CHSY3: variants seen among roughly 807,000 people sequenced by gnomAD.
CHSY3 encodes the protein chondroitin sulfate synthase 3.
A neutral mutation model predicts 67.2 loss-of-function variants in CHSY3; 35 were observed. The observed-to-expected ratio is 0.52, with a 90% CI of 0.40 to 0.69. The LOEUF is 0.69. CHSY3 is among the 30% of genes least tolerant of loss of function. The pLI, the probability that CHSY3 is intolerant of heterozygous loss-of-function variation, is 0.00. For synonymous variants in CHSY3, 474 were observed against 434.7 expected (o/e 1.09, Z -1.12); for missense variants, 1,069 against 1,138.5 (o/e 0.94, Z 0.88).
intron 2 of CHSY3, among the ~76,000 whole-genome samples, chr5:130,014,969 G>C (rs1171923871): frequency 2.0e-5 from 3 of 152,138 alleles, no homozygotes; most frequent in Non-Finnish European, 4.4e-5. Flanking sequence ...TCTGACAAAG[G>C]TCAAATATCT....
At chr5:130,142,303 A>G (rs779644772) in intron 2 of CHSY3, among the ~76,000 whole-genome samples, 20 of 152,186 alleles carry the variant, frequency 1.3e-4, no homozygotes, top group Non-Finnish European at 2.1e-4. Context: ...TGCAGTGATT[A>G]TGTATTTAAA....
intron 2 of CHSY3, among the ~76,000 whole-genome samples, chr5:129,951,323 C>T (rs1331995384): frequency 6.6e-6 from 1 of 152,042 alleles, no homozygotes; most frequent in East Asian, 1.9e-4. Context: ...AGCCCCATGA[C>T]GTTGGTCTTG....
At position 130,049,743 on chromosome 5, in the gene CHSY3, T is replaced by C. The variant is rs1765272325; in HGVS notation, c.1087-134486T>C. The stretch of plus-strand genomic sequence containing the variant: ...TTGTTCCACAGTCAAGAATCAATTA[T>C]AAAACGTTCCCTATATATCTCCCCA... On this transcript the variant is annotated intron_variant, in intron 2 of 2. Transcript: ENST00000305031. Among the ~76,000 whole-genome samples the C allele has an allele frequency of 2.0e-5, 3 of 149,566 alleles. No individual in the cohort carries two copies. The South Asian group carries it at 6.4e-4, about 32-fold the overall frequency.
At chr5:130,026,832 A>G (rs1461088957) in intron 2 of CHSY3, among the ~76,000 whole-genome samples, 3 of 152,148 alleles carry the variant, frequency 2.0e-5, no homozygotes, top group African/African-American at 7.2e-5. Flanking sequence ...CTGTTACCAC[A>G]TTTTTAAAAA....
chr5:130,138,375 T>C (rs1768740429), intron 2 of CHSY3, among the ~76,000 whole-genome samples: 1 of 152,162 alleles, frequency 6.6e-6, no homozygotes, highest in African/African-American at 2.4e-5. Context: ...GCAGGCTTTG[T>C]CCAGAATGCC....
chr5:130,056,473 AG>A (rs1765535233), intron 2 of CHSY3, among the ~76,000 whole-genome samples: 1 of 152,340 alleles, frequency 6.6e-6, no homozygotes, highest in Admixed American at 6.5e-5. Flanking sequence ...TTGTAAGAAA[AG>A]GAATTTCAAA....
In CHSY3 at chr5:130,154,548, G is replaced by A. The variant is rs192924083; in HGVS notation, c.1087-29681G>A. 1.2e-4 allele frequency among the ~76,000 whole-genome samples: 19 copies of A among 152,198 alleles called. No homozygotes were observed. In the East Asian group the frequency reaches 1.4e-3, roughly 11 times the overall value. On this transcript the variant is annotated intron_variant, in intron 2 of 2. Coordinates refer to ENST00000305031, the MANE Select transcript of CHSY3 (RefSeq NM_175856.5). ...GTTTTTGTGTGTCTATCCATCCAGC[G>A]TTGTGATTATTCATTTGCGATTATT...
chr5:130,174,795 A>G (rs747859132), intron 2 of CHSY3, among the ~76,000 whole-genome samples: 8 of 152,182 alleles, frequency 5.3e-5, no homozygotes, highest in Non-Finnish European at 8.8e-5. Context: ...TATTTTACAA[A>G]TAGTTAAACT....
chr5:129,991,772 AAGAGGC>A (rs1363278928), intron 2 of CHSY3, among the ~76,000 whole-genome samples: 1 of 152,140 alleles, frequency 6.6e-6, no homozygotes, highest in African/African-American at 2.4e-5. Flanking sequence ...GGGGAAGAGG[AAGAGGC>A]AGAGGATTCC....
At chr5:130,139,950 A>G (rs189821572) in intron 2 of CHSY3, 1 of 152,452 alleles carries the variant, frequency 6.6e-6, no homozygotes, top group Admixed American at 6.5e-5. Context: ...AAAAATTCCT[A>G]TAATGGCTCA....
chr5:130,151,022 G>A (rs981022028), intron 2 of CHSY3, among the ~76,000 whole-genome samples: 10 of 152,064 alleles, frequency 6.6e-5, no homozygotes, highest in African/African-American at 2.2e-4. Context: ...GACAACTAAT[G>A]CAGGAACATT....
At chr5:129,915,028 C>CA (rs1400220657) in intron 2 of CHSY3, among the ~76,000 whole-genome samples, 41 of 152,174 alleles carry the variant, frequency 2.7e-4, no homozygotes, top group South Asian at 8.3e-4. Flanking sequence ...TCTTAGTCTC[C>CA]AAAAAGCTAT....
intron 2 of CHSY3, among the ~76,000 whole-genome samples, chr5:129,959,406 T>A (rs1762268054): frequency 6.6e-6 from 1 of 152,086 alleles, no homozygotes. Flanking sequence ...GTATTTTGAT[T>A]TATGATTTGC....
At chr5:130,140,371 G>T in intron 2 of CHSY3, 1 of 625,736 alleles carries the variant, frequency 1.6e-6, no homozygotes, top group Non-Finnish European at 2.8e-6. Flanking sequence ...CTTCTATCCA[G>T]AGGAAGTGTT....
chr5:130,099,594 AG>A (rs1224017068), intron 2 of CHSY3, among the ~76,000 whole-genome samples: 5 of 152,210 alleles, frequency 3.3e-5, no homozygotes, highest in African/African-American at 1.2e-4. Context: ...CTTTTACATA[AG>A]AGTCATTACC....
intron 2 of CHSY3, among the ~76,000 whole-genome samples, chr5:130,105,965 T>C (rs74930979): frequency 0.055 from 8,292 of 151,686 alleles, 329 homozygotes; most frequent in Non-Finnish European, 0.078. Context: ...TGCTGTTCTT[T>C]TTTTAAAAAA....
chr5:129,997,380 T>G (rs138162995), intron 2 of CHSY3, among the ~76,000 whole-genome samples: 189 of 152,306 alleles, frequency 1.2e-3, no homozygotes, highest in African/African-American at 4.4e-3. Flanking sequence ...ATATAGTTTT[T>G]AAAAATCAAA....
At chr5:130,007,065 A>T (rs959312484) in intron 2 of CHSY3, among the ~76,000 whole-genome samples, 6 of 152,218 alleles carry the variant, frequency 3.9e-5, no homozygotes, top group Non-Finnish European at 5.9e-5. Context: ...CCACACATTG[A>T]GTAATACAAT....
At chr5:130,063,039 G>C (rs1359824540) in intron 2 of CHSY3, among the ~76,000 whole-genome samples, 1 of 152,020 alleles carries the variant, frequency 6.6e-6, no homozygotes, top group Non-Finnish European at 1.5e-5. Context: ...TTTAATATCT[G>C]TTAAGATTCA....
Sources: allele counts gnomAD v4.1 joint callset (sites outside exome capture counted in the v4.1 genomes callset), GRCh38; gene constraint gnomAD v4.1.1; transcripts MANE v1.5; gene names NCBI Gene and HGNC (gene_info 2026-07-23, HGNC 2026-07-21).